The following DPP6 variants were observed in gnomAD, a reference collection of about 807,000 sequenced individuals.
DPP6 encodes A-type potassium channel modulatory protein DPP6.
In DPP6, 69 loss-of-function variants were observed where a neutral mutation model predicts 122.6. That is an observed-to-expected ratio of 0.56 (90% CI 0.46 to 0.69). The LOEUF (loss-of-function observed/expected upper bound fraction) is 0.69. Ranked by LOEUF, DPP6 falls within the 30% of genes least tolerant of loss-of-function variation. The pLI is 0.00. For missense variants in DPP6, 928 were observed against 1,116.9 expected (o/e 0.83, Z 2.41); for synonymous variants, 418 against 433.1 (o/e 0.97, Z 0.43).
intron 17 of DPP6, among the ~76,000 whole-genome samples, chr7:154,867,359 A>G (rs1402044528): frequency 1.3e-5 from 2 of 152,228 alleles, no homozygotes; most frequent in Admixed American, 6.5e-5. Flanking sequence ...ACAAAGGTCC[A>G]GCGCATCCAC....
At chr7:154,793,826 A>G (rs1396189933) in intron 10 of DPP6, 1 of 431,908 alleles carries the variant, frequency 2.3e-6, no homozygotes, top group Non-Finnish European at 4.0e-6. Context: ...CAGGGCAGCC[A>G]CACGCAGTGA....
chr7:154,058,483 G>T (rs1434663785), intron 1 of DPP6: 2 of 139,080 alleles, frequency 1.4e-5, no homozygotes, highest in South Asian at 2.4e-4. Flanking sequence ...CGTAGGGGGG[G>T]GGAGGCACCC....
At chr7:154,365,471 C>A (rs1812075327) in intron 1 of DPP6, among the ~76,000 whole-genome samples, 1 of 152,108 alleles carries the variant, frequency 6.6e-6, no homozygotes, top group Admixed American at 6.5e-5. Flanking sequence ...GAGATGAGCC[C>A]CCCTTCTTCT....
the DPP6 span, among the ~76,000 whole-genome samples, chr7:153,828,388 C>G: frequency 3.3e-5 from 5 of 152,126 alleles, no homozygotes; most frequent in Non-Finnish European, 7.3e-5. Context: ...TACACGCACA[C>G]ATGTAGCATT....
intron 6 of DPP6, among the ~76,000 whole-genome samples, chr7:154,655,949 T>G (rs1183804946): frequency 6.6e-6 from 1 of 152,116 alleles, no homozygotes; most frequent in East Asian, 1.9e-4. Context: ...GAAGGGACAT[T>G]CGCTTCCTAG....
chr7:153,844,382 C>A, the DPP6 span, among the ~76,000 whole-genome samples: 2 of 152,102 alleles, frequency 1.3e-5, no homozygotes, highest in South Asian at 4.1e-4. Context: ...ACCAATAGCA[C>A]AAATTATACA....
Position 154,235,946 on chromosome 7 carries a change from G to A in DPP6, c.243+182883G>A, listed in dbSNP as rs142471524. On this transcript the variant is annotated intron_variant, in intron 1 of 25. Transcript: ENST00000377770. The stretch of plus-strand genomic sequence containing the variant: ...TGGCTCACTACAGCCTCTGTCTCCC[G>A]GGTTTAAGAGATTCTCTTGCCTCAG... 7.4e-3 allele frequency among the ~76,000 whole-genome samples: 1,125 copies of A among 152,188 alleles called. 20 individuals are homozygous for A. Among genetic ancestry groups the A allele is most frequent in the African/African-American group, 0.025 (1,051 of 41,508 alleles).
chr7:153,958,762 C>T (rs945009639), intron 1 of DPP6, among the ~76,000 whole-genome samples: 3 of 152,086 alleles, frequency 2.0e-5, no homozygotes, highest in African/African-American at 7.2e-5. Flanking sequence ...CCCTGAAAGC[C>T]CATTGCTATT....
At chr7:153,885,540 A>G (rs1319186737), upstream of DPP6, among the ~76,000 whole-genome samples, 1 of 152,148 alleles carries the variant, frequency 6.6e-6, no homozygotes, top group Non-Finnish European at 1.5e-5. Flanking sequence ...GATTCTCACC[A>G]CACAAAGCAT....
At chr7:154,757,019 C>G (rs1843715202) in intron 8 of DPP6, among the ~76,000 whole-genome samples, 1 of 151,578 alleles carries the variant, frequency 6.6e-6, no homozygotes. Flanking sequence ...CCAGCCCCTT[C>G]TTCATCTTTC....
intron 1 of DPP6, among the ~76,000 whole-genome samples, chr7:154,123,298 T>C (rs1807632632): frequency 6.6e-6 from 1 of 152,234 alleles, no homozygotes; most frequent in African/African-American, 2.4e-5. Flanking sequence ...ATTTCAGGGC[T>C]TTCTTTGAAG....
chr7:154,820,575 T>C (rs2150495771), intron 16 of DPP6, among the ~76,000 whole-genome samples: 1 of 152,250 alleles, frequency 6.6e-6, no homozygotes, highest in Non-Finnish European at 1.5e-5. Context: ...TCTTGTTTGG[T>C]CAAAATTATG....
intron 1 of DPP6, among the ~76,000 whole-genome samples, chr7:153,941,101 G>A (rs1296673229): frequency 1.3e-5 from 2 of 152,186 alleles, no homozygotes; most frequent in East Asian, 3.9e-4. Flanking sequence ...CTAACGGAAG[G>A]GTTAGAGAAA....
At chr7:154,778,705 CACCACCACCTCT>C (rs1220540871) in intron 10 of DPP6, among the ~76,000 whole-genome samples, 13 of 151,842 alleles carry the variant, frequency 8.6e-5, no homozygotes, top group Admixed American at 2.0e-4. Context: ...CCACCATCAC[CACCACCACCTCT>C]GTCACCTCCA....
intron 1 of DPP6, among the ~76,000 whole-genome samples, chr7:154,240,781 G>A (rs1801541359): frequency 6.6e-6 from 1 of 152,128 alleles, no homozygotes; most frequent in East Asian, 1.9e-4. Flanking sequence ...GTGTACGGTG[G>A]TAATTCCAGC....
At chr7:154,602,035 A>G (rs1267117134) in intron 5 of DPP6, among the ~76,000 whole-genome samples, 1 of 121,180 alleles carries the variant, frequency 8.3e-6, no homozygotes, top group Non-Finnish European at 1.9e-5. Flanking sequence ...TTGTTTCTTT[A>G]TGCTTCTCTC....
Position 154,744,842 on chromosome 7 carries a change from C to T in DPP6, c.883+16955C>T, listed in dbSNP as rs991004265. Among the ~76,000 whole-genome samples the T allele has an allele frequency of 2.0e-5, 3 of 152,184 alleles. No homozygotes were observed. The South Asian group carries it at 6.2e-4, about 32-fold the overall frequency. On this transcript the variant is annotated intron_variant, in intron 8 of 25. Transcript: ENST00000377770. ...GGGTGCTTTGATTTTTCTCAAATAT[C>T]TACAGCAGTAGGGGTCCAGGGAGCC...
At chr7:154,085,528 G>C (rs1016183123) in intron 1 of DPP6, among the ~76,000 whole-genome samples, 1 of 152,094 alleles carries the variant, frequency 6.6e-6, no homozygotes, top group African/African-American at 2.4e-5. Flanking sequence ...TTTGCTGAAC[G>C]AACACAGTAA....
intron 1 of DPP6, among the ~76,000 whole-genome samples, chr7:153,974,464 A>G (rs1239389420): frequency 6.6e-6 from 1 of 152,194 alleles, no homozygotes; most frequent in African/African-American, 2.4e-5. Flanking sequence ...TTCAGCTTTC[A>G]GAGCCTGCAG....
Sources: gnomAD v4.1 joint callset for allele counts (sites outside exome capture counted in the v4.1 genomes callset) on GRCh38, gnomAD v4.1.1 for gene constraint, MANE v1.5 for transcripts, NCBI Gene and HGNC (gene_info 2026-07-23, HGNC 2026-07-21) for gene names.